Variants in FARP1 observed in about 807,000 individuals in gnomAD.
FARP1 encodes FERM, ARH/RhoGEF and pleckstrin domain protein 1.
In FARP1, 52 loss-of-function variants were observed where a neutral mutation model predicts 128.8. The ratio of observed to expected loss-of-function variants is 0.40; its 90% confidence interval spans 0.32 to 0.51. The LOEUF (loss-of-function observed/expected upper bound fraction) is 0.51, where lower values mean the gene tolerates loss of function less well. Ranked by LOEUF, FARP1 falls within the 20% of genes least tolerant of loss-of-function variation. The pLI, the probability that FARP1 is intolerant of heterozygous loss-of-function variation, is 0.45. For missense variants in FARP1, 1,333 were observed against 1,367.9 expected (o/e 0.97, Z 0.40); for synonymous variants, 580 against 551.8 (o/e 1.05, Z -0.72).
chr13:98,385,942 T>A, intron 8 of FARP1, 128 bp downstream of exon 8: 1 of 934,544 alleles, frequency 1.1e-6, no homozygotes, highest in Non-Finnish European at 1.6e-6. Context: ...AAAGAAAAAT[T>A]AACCTCATCT....
At chr13:98,146,811 C>T (rs775320182) in intron 1 of FARP1, among the ~76,000 whole-genome samples, 48 of 152,102 alleles carry the variant, frequency 3.2e-4, no homozygotes, top group Non-Finnish European at 6.3e-4. Context: ...TTGTTTGGTG[C>T]TTTTGATTGA....
chr13:98,186,563 T>C (rs1222400188), intron 1 of FARP1, among the ~76,000 whole-genome samples: 1 of 152,230 alleles, frequency 6.6e-6, no homozygotes, highest in Non-Finnish European at 1.5e-5. Context: ...CTTAGCATAA[T>C]CTCTTCGTGC....
intron 2 of FARP1, among the ~76,000 whole-genome samples, chr13:98,259,882 A>AGT (rs60886784): frequency 0.086 from 11,105 of 128,778 alleles, 800 homozygotes; most frequent in African/African-American, 0.21. Flanking sequence ...ATACCTGAAA[A>AGT]GTGTGTGTGT....
chr13:98,347,537 T>TGTCCTCGAG (rs112486423), intron 3 of FARP1, among the ~76,000 whole-genome samples: 16,425 of 152,124 alleles, frequency 0.11, 1,151 homozygotes, highest in African/African-American at 0.2. Context: ...CTCAGCATAA[T>TGTCCTCGAG]GTTCATCTGT....
intron 2 of FARP1, among the ~76,000 whole-genome samples, chr13:98,323,984 G>A (rs1887118589): frequency 6.6e-6 from 1 of 152,154 alleles, no homozygotes; most frequent in Non-Finnish European, 1.5e-5. Flanking sequence ...TACACATTTT[G>A]AGTTTCATCA....
At chr13:98,394,197 A>G (rs145857379) in intron 12 of FARP1, among the ~76,000 whole-genome samples, 1,684 of 152,298 alleles carry the variant, frequency 0.011, 22 homozygotes, top group African/African-American at 0.033. Flanking sequence ...AGTAAGAGAC[A>G]TTATCACTCT....
intron 13 of FARP1, chr13:98,396,678 T>A: frequency 2.5e-6 from 1 of 393,964 alleles, no homozygotes. Flanking sequence ...AAACTTCACA[T>A]AAGTGGCTTG....
intron 2 of FARP1, among the ~76,000 whole-genome samples, chr13:98,247,998 C>T (rs1357212813): frequency 6.6e-6 from 1 of 152,168 alleles, no homozygotes; most frequent in Non-Finnish European, 1.5e-5. Flanking sequence ...AGAAACACAT[C>T]TCTGCCAAGG....
intron 1 of FARP1, among the ~76,000 whole-genome samples, chr13:98,189,712 A>G (rs1344879603): frequency 6.6e-6 from 1 of 152,222 alleles, no homozygotes; most frequent in Non-Finnish European, 1.5e-5. Context: ...TGAATTTTCA[A>G]TTTAAAAACT....
chr13:98,361,921 A>G (rs79349861), intron 3 of FARP1, among the ~76,000 whole-genome samples: 2,034 of 152,112 alleles, frequency 0.013, 43 homozygotes, highest in African/African-American at 0.046. Context: ...TCTTGCCCCT[A>G]TTTTTAACCC....
At chr13:98,327,000 T>G (rs1484263942) in intron 2 of FARP1, among the ~76,000 whole-genome samples, 1 of 152,234 alleles carries the variant, frequency 6.6e-6, no homozygotes, top group African/African-American at 2.4e-5. Context: ...ATTTAATGAG[T>G]ACACGCAATT....
chr13:98,376,784 C>T (rs1230961144), intron 5 of FARP1, among the ~76,000 whole-genome samples: 1 of 128,830 alleles, frequency 7.8e-6, no homozygotes, highest in Non-Finnish European at 1.6e-5. Flanking sequence ...TTTTTTGCCA[C>T]ATCCAAGCAT....
At chr13:98,252,759 T>G (rs377041299) in intron 2 of FARP1, among the ~76,000 whole-genome samples, 1 of 152,236 alleles carries the variant, frequency 6.6e-6, no homozygotes, top group African/African-American at 2.4e-5. Context: ...TCAAAGAAAG[T>G]GTCCAGTGTT....
intron 1 of FARP1, among the ~76,000 whole-genome samples, chr13:98,203,675 T>C (rs191418838): frequency 6.6e-6 from 1 of 152,334 alleles, no homozygotes; most frequent in East Asian, 1.9e-4. Flanking sequence ...TATTGGGTTA[T>C]CCACTTGTTG....
chr13:98,287,208 C>CTTGTTTTTTTTT (rs1885217032), intron 2 of FARP1, among the ~76,000 whole-genome samples: 1 of 75,814 alleles, frequency 1.3e-5, no homozygotes, highest in Non-Finnish European at 2.4e-5. Context: ...TCAGACATGT[C>CTTGTTTTTTTTT]TTTTTTTTTT....
intron 17 of FARP1, among the ~76,000 whole-genome samples, chr13:98,428,278 A>G (rs1274865253): frequency 1.3e-5 from 2 of 152,218 alleles, no homozygotes; most frequent in Non-Finnish European, 2.9e-5. Context: ...ACGCTTGGAA[A>G]TCAATGCAAA....
At chr13:98,329,331 A>G (rs1887382672) in intron 2 of FARP1, 1 of 152,208 alleles carries the variant, frequency 6.6e-6, no homozygotes, top group African/African-American at 2.4e-5. Flanking sequence ...CTTTTTGCAG[A>G]CAGCATCTCT....
At chr13:98,363,393 T>C (rs945466691) in intron 3 of FARP1, among the ~76,000 whole-genome samples, 3 of 152,202 alleles carry the variant, frequency 2.0e-5, no homozygotes, top group African/African-American at 7.2e-5. Context: ...CATATTGTGG[T>C]GTTTTGACAT....
intron 2 of FARP1, among the ~76,000 whole-genome samples, chr13:98,335,479 C>T (rs1166542538): frequency 1.3e-5 from 2 of 152,198 alleles, no homozygotes; most frequent in Admixed American, 1.3e-4. Flanking sequence ...ATGATTGACT[C>T]ACCTCCTACA....
Sources: gnomAD v4.1 joint callset for allele counts (sites outside exome capture counted in the v4.1 genomes callset) on GRCh38, gnomAD v4.1.1 for gene constraint, MANE v1.5 for transcripts, NCBI Gene and HGNC (gene_info 2026-07-23, HGNC 2026-07-21) for gene names.